Variants in RAB31 observed in about 807,000 individuals in gnomAD.
RAB31 encodes the protein RAB31, member RAS oncogene family.
A neutral mutation model predicts 25.6 loss-of-function variants in RAB31; 21 were observed. The ratio of observed to expected loss-of-function variants is 0.82; its 90% CI spans 0.58 to 1.18. The LOEUF (loss-of-function observed/expected upper bound fraction) is 1.18. RAB31 is among the 50% of genes most tolerant of loss of function. The probability of loss-of-function intolerance (pLI) is 0.00; values close to 1 mark genes in which losing one functional copy is unlikely to be tolerated. For missense variants in RAB31, 196 were observed against 250.1 expected, an observed-to-expected ratio of 0.78 and a Z score of 1.46; for synonymous variants, 87 against 84.0, an observed-to-expected ratio of 1.04 and a Z score of -0.20.
intron 2 of RAB31, among the ~76,000 whole-genome samples, chr18:9,784,232 G>T (rs1045279129): frequency 2.0e-5 from 3 of 151,804 alleles, no homozygotes; most frequent in Non-Finnish European, 4.4e-5. Flanking sequence ...AGAGCCAGGG[G>T]TCTTGCTATG....
At chr18:9,790,438 G>C (rs567261584) in intron 2 of RAB31, among the ~76,000 whole-genome samples, 1 of 151,188 alleles carries the variant, frequency 6.6e-6, no homozygotes, top group Non-Finnish European at 1.5e-5. Context: ...GTCTTGCTCT[G>C]TTGCCCAAGC....
intron 1 of RAB31, among the ~76,000 whole-genome samples, chr18:9,734,396 G>A (rs941991825): frequency 1.3e-5 from 2 of 152,172 alleles, no homozygotes; most frequent in South Asian, 2.1e-4. Flanking sequence ...CACCACACCC[G>A]CTGCCTTTCC....
chr18:9,721,483 G>A (rs572037892), intron 1 of RAB31, among the ~76,000 whole-genome samples: 7 of 152,234 alleles, frequency 4.6e-5, no homozygotes, highest in African/African-American at 1.7e-4. Flanking sequence ...GGGTGTGGTG[G>A]TGCATGCCTG....
intron 6 of RAB31, among the ~76,000 whole-genome samples, chr18:9,858,697 A>T (rs2068831349): frequency 6.6e-6 from 1 of 152,234 alleles, no homozygotes; most frequent in South Asian, 2.1e-4. Context: ...CCAGTTAATG[A>T]TCTAAATGCA....
chr18:9,834,539 A>T (rs980359875), intron 5 of RAB31, among the ~76,000 whole-genome samples: 2 of 152,218 alleles, frequency 1.3e-5, no homozygotes, highest in Admixed American at 6.5e-5. Context: ...GACAATTAGC[A>T]ATAAATTTCT....
At chr18:9,763,517 A>G (rs1215517297) in intron 1 of RAB31, among the ~76,000 whole-genome samples, 5 of 151,734 alleles carry the variant, frequency 3.3e-5, no homozygotes, top group Non-Finnish European at 7.4e-5. Context: ...TAGGGTTATC[A>G]TATATGATAC....
intron 2 of RAB31, among the ~76,000 whole-genome samples, chr18:9,779,185 C>A (rs1425856237): frequency 1.3e-5 from 2 of 152,120 alleles, no homozygotes; most frequent in Non-Finnish European, 1.5e-5. Context: ...TCAGTTTTTC[C>A]TGTAAACTAA....
intron 3 of RAB31, chr18:9,797,497 C>T (rs1261129577): frequency 6.6e-6 from 1 of 152,190 alleles, no homozygotes; most frequent in Non-Finnish European, 1.5e-5. Flanking sequence ...TGTCGTTATT[C>T]CCATTTGCAG....
At chr18:9,792,801 T>C (rs3786426) in intron 3 of RAB31, among the ~76,000 whole-genome samples, 130,549 of 152,084 alleles carry the variant, frequency 0.86, 56,229 homozygotes, top group South Asian at 0.91. Context: ...AGGCAAGGGC[T>C]GGTGTCAGCC....
rs11285866 is a variant in RAB31, at chr18:9,798,788, T to TAA, written c.201+6568_201+6569dup. Among the ~76,000 whole-genome samples the TAA allele has an allele frequency of 2.6e-3, 384 of 145,022 alleles. 4 individuals are homozygous for TAA. The highest frequency in any genetic ancestry group is 0.02 in the South Asian group (90 of 4,538). On this transcript the variant is annotated intron_variant, in intron 3 of 6. Transcript: ENST00000578921. Reference sequence around the variant, plus strand: ...TGTATGCCACCATGCGCAGCTAATTTAAAAAAAAAAAAAAAATTGGGCCAG... The same window carrying TAA: ...TGTATGCCACCATGCGCAGCTAATTTAAAAAAAAAAAAAAAAAATTGGGCCAG...
At chr18:9,718,888 G>A (rs1277087811) in intron 1 of RAB31, among the ~76,000 whole-genome samples, 1 of 151,808 alleles carries the variant, frequency 6.6e-6, no homozygotes, top group African/African-American at 2.4e-5. Context: ...CTACCTCCTA[G>A]TATTGTCACT....
chr18:9,731,667 G>A (rs937640577), intron 1 of RAB31, among the ~76,000 whole-genome samples: 3 of 135,390 alleles, frequency 2.2e-5, no homozygotes, highest in African/African-American at 8.6e-5. Flanking sequence ...GTGTGATCTT[G>A]GCTCACTGCA....
chr18:9,850,915 A>G (rs557384907), intron 6 of RAB31, among the ~76,000 whole-genome samples: 1 of 152,316 alleles, frequency 6.6e-6, no homozygotes. Context: ...TTAGAGGTAC[A>G]AGCATATTGG....
chr18:9,742,475 G>T (rs890973500), intron 1 of RAB31, among the ~76,000 whole-genome samples: 1 of 152,226 alleles, frequency 6.6e-6, no homozygotes. Context: ...GAGTGTGGGG[G>T]CTGCTTGGCT....
intron 1 of RAB31, chr18:9,735,006 GT>G: frequency 4.9e-6 from 1 of 202,162 alleles, no homozygotes; most frequent in Non-Finnish European, 1.1e-5. Context: ...GTTTTTTGTT[GT>G]CGTCGTTGTT....
intron 3 of RAB31, among the ~76,000 whole-genome samples, chr18:9,807,407 T>C (rs1234922197): frequency 6.6e-6 from 1 of 151,682 alleles, no homozygotes; most frequent in Non-Finnish European, 1.5e-5. Context: ...GTGATCGTCA[T>C]GGCCATCCTG....
chr18:9,775,387 G>A (rs751845156), intron 2 of RAB31, 30 bp downstream of exon 2: 12 of 1,612,576 alleles, frequency 7.4e-6, no homozygotes, highest in African/African-American at 1.3e-5. Flanking sequence ...TCTCCTTCGC[G>A]TTGCTTCCTT....
intron 2 of RAB31, among the ~76,000 whole-genome samples, chr18:9,780,937 A>AAAAAC (rs148616304): frequency 0.48 from 72,444 of 149,934 alleles, 18,087 homozygotes; most frequent in East Asian, 0.64. Context: ...TCTTGTCTCA[A>AAAAAC]AAAACAAAAC....
At chr18:9,835,554 A>C (rs773026303) in intron 5 of RAB31, among the ~76,000 whole-genome samples, 1 of 152,228 alleles carries the variant, frequency 6.6e-6, no homozygotes, top group Non-Finnish European at 1.5e-5. Flanking sequence ...CCAGGAATTT[A>C]GCCCCAGGTG....
Sources: allele counts gnomAD v4.1 joint callset (sites outside exome capture counted in the v4.1 genomes callset), GRCh38; gene constraint gnomAD v4.1.1; transcripts MANE v1.5; gene names NCBI Gene and HGNC (gene_info 2026-07-23, HGNC 2026-07-21).